Variants in ZNF563 observed in about 807,000 individuals in gnomAD.
ZNF563 encodes zinc finger protein 563.
Under a neutral mutation model 48.5 loss-of-function variants are expected in ZNF563, and 39 were observed. The ratio of observed to expected loss-of-function variants is 0.80; its 90% CI spans 0.62 to 1.05. ZNF563 has a LOEUF of 1.05. Among genes scored for constraint, ZNF563 ranks in the 50% least tolerant of loss-of-function variants. The pLI is 0.00. For missense variants in ZNF563, 538 were observed against 597.0 expected, an observed-to-expected ratio of 0.90 and a Z score of 1.03; for synonymous variants, 168 against 187.9, an observed-to-expected ratio of 0.89 and a Z score of 0.87.
At chr19:12,337,136 G>A (rs1969028874), upstream of ZNF563, among the ~76,000 whole-genome samples, 1 of 152,130 alleles carries the variant, frequency 6.6e-6, no homozygotes, top group African/African-American at 2.4e-5. Context: ...ACAACCCTGA[G>A]AAATCCGCAC....
chr19:12,320,883 T>C lies in ZNF563; in HGVS notation c.191+389A>G, dbSNP rs191024613. Among the ~76,000 whole-genome samples, 570 of 152,204 alleles carry C rather than the reference T, an allele frequency of 3.7e-3. 2 individuals carry two copies. Among genetic ancestry groups the C allele is most frequent in the African/African-American group, 0.013 (548 of 41,534 alleles). On this transcript the variant is annotated intron_variant, in intron 3 of 3. Coordinates refer to ENST00000293725, the MANE Select transcript of ZNF563 (RefSeq NM_145276.3). ...AGGCTGGTGCAGTGACTCACACCTG[T>C]AATCCCAGCATTTGGGGAGGCCAAG...
Position 12,319,089 on chromosome 19 carries a change from C to A in ZNF563, c.936G>T (p.Lys312Asn). 6.2e-7 allele frequency: 1 copy of A among 1,614,154 alleles called. No homozygotes were observed. Among genetic ancestry groups the A allele is most frequent in the Non-Finnish European group, 8.5e-7 (1 of 1,180,028 alleles). The change falls in exon 4 of 4, where the codon AAG becomes AAT. Residue 312 changes from lysine (K) to asparagine (N), a missense_variant. By Grantham distance (94) the Lys-to-Asn change is moderately conservative. Transcript: ENST00000293725. ...GATGATGAAATGTTTTCCCGCATTG[C>A]TTACACTCATAGGGTTTCTCTGCAC... ...THSAEKPYEC[K>N]QCGKTFHHLG... is the part of the protein sequence containing the mutation.
At chr19:12,322,442 C>A in intron 2 of ZNF563, 143 bp downstream of exon 2, 1 of 855,184 alleles carries the variant, frequency 1.2e-6, no homozygotes, top group South Asian at 2.0e-5. Flanking sequence ...TGTACAACTT[C>A]TTTCAGGGCT....
chr19:12,324,237 T>C (rs1229152876), intron 1 of ZNF563, among the ~76,000 whole-genome samples: 1 of 152,026 alleles, frequency 6.6e-6, no homozygotes, highest in Non-Finnish European at 1.5e-5. Context: ...GGTGTGCCTG[T>C]AGTCCCAGCT....
chr19:12,340,633 C>T, the ZNF563 span, among the ~76,000 whole-genome samples: 1 of 152,020 alleles, frequency 6.6e-6, no homozygotes, highest in Non-Finnish European at 1.5e-5. Context: ...AAAAATTAGC[C>T]AGGCGTGGTG....
In ZNF563 at chr19:12,319,854, G is replaced by A. The variant is rs199792627; in HGVS notation, c.192-21C>T. 1,042 of 1,586,588 alleles carry A rather than the reference G, an allele frequency of 6.6e-4. 3 individuals are homozygous for A. Among genetic ancestry groups the A allele is most frequent in the Non-Finnish European group, 8.6e-4 (1,003 of 1,165,874 alleles). On this transcript the variant is annotated intron_variant, in intron 3 of 3. Transcript: ENST00000293725. ...GACATCTGTAAAAAATGAGTAGTAC[G>A]TTACTAAATAGTTGTTTCTAAATGA... is the stretch of plus-strand genomic sequence containing the variant.
chr19:12,318,085 C>T lies in ZNF563; in HGVS notation c.*509G>A, dbSNP rs183250566. ...GCAGTGCATCTTGGCTCACTGCAACCCCCACCCCTTGGGCTCAAGAGATCT... is the reference window on the plus strand; with the variant it reads ...GCAGTGCATCTTGGCTCACTGCAACTCCCACCCCTTGGGCTCAAGAGATCT... On this transcript the variant is annotated 3_prime_UTR_variant, in exon 4 of 4. Transcript: ENST00000293725. 1.1e-3 allele frequency: 174 copies of T among 164,306 alleles called. 2 individuals carry two copies. Among genetic ancestry groups the T allele is most frequent in the Admixed American group, 2.4e-3 (40 of 16,860 alleles). The allele number at this position is 164,306 out of a possible 1,614,324, so 10.2% of individuals were successfully genotyped here.
the ZNF563 span, among the ~76,000 whole-genome samples, chr19:12,344,501 T>G: frequency 6.6e-6 from 1 of 151,970 alleles, no homozygotes; most frequent in African/African-American, 2.4e-5. Flanking sequence ...GAAAAATAAT[T>G]TGACAAAATT....
the ZNF563 span, among the ~76,000 whole-genome samples, chr19:12,342,700 G>GAGT: frequency 6.6e-6 from 1 of 151,506 alleles, no homozygotes; most frequent in African/African-American, 2.4e-5. Context: ...TTGAGCCCAG[G>GAGT]AGTTGGAGGC....
chr19:12,332,328 TTTGTTTTTTTTCTTTTTTC>T (rs1367279675), intron 1 of ZNF563, among the ~76,000 whole-genome samples: 3 of 148,618 alleles, frequency 2.0e-5, no homozygotes, highest in African/African-American at 7.8e-5. Flanking sequence ...CGGGTCTAAC[TTTGTTTTTTTTCTTTTTTC>T]TTTTTTTTTT....
chr19:12,333,142 G>A (rs1009639420), intron 1 of ZNF563, among the ~76,000 whole-genome samples: 4 of 152,148 alleles, frequency 2.6e-5, no homozygotes, highest in African/African-American at 9.7e-5. Flanking sequence ...TCACAGGCAC[G>A]AACCCCACAC....
At chr19:12,337,481 G>C (rs976902848), upstream of ZNF563, among the ~76,000 whole-genome samples, 1 of 152,174 alleles carries the variant, frequency 6.6e-6, no homozygotes, top group Non-Finnish European at 1.5e-5. Context: ...GGGATTACAG[G>C]TGTGAGCCAC....
chr19:12,318,745 C>T lies in ZNF563; in HGVS notation c.1280G>A (p.Gly427Glu). 6.2e-7 allele frequency: 1 copy of T among 1,614,114 alleles called. No homozygotes were observed. The highest frequency in any genetic ancestry group is 8.5e-7 in the Non-Finnish European group (1 of 1,180,034). ...GCTTGAGCTATGAGATAACGCTTTC[C>T]CACACTGCTTGCATTCATAGGGTTT... is the stretch of plus-strand genomic sequence containing the variant. ...GEKPYECKQC[G>E]KALSHSSSFR... The change falls in exon 4 of 4, where the codon GGG (glycine) becomes GAG (glutamate). Residue 427 changes from glycine to glutamate, a missense_variant. By Grantham distance (98) the Gly-to-Glu change is moderately conservative. Transcript: ENST00000293725.
intron 3 of ZNF563, 59 bp from the exon 4 acceptor site, chr19:12,319,892 G>A: frequency 6.8e-7 from 1 of 1,473,228 alleles, no homozygotes; most frequent in Non-Finnish European, 9.2e-7. Flanking sequence ...ATTTATTTAT[G>A]TGTATTAATA....
intron 1 of ZNF563, among the ~76,000 whole-genome samples, chr19:12,332,335 TTTTTC>T: frequency 4.7e-5 from 7 of 150,224 alleles, no homozygotes; most frequent in African/African-American, 1.5e-4. Flanking sequence ...AACTTTGTTT[TTTTTC>T]TTTTTTCTTT....
chr19:12,345,755 T>C, the ZNF563 span, among the ~76,000 whole-genome samples: 40 of 152,098 alleles, frequency 2.6e-4, 1 homozygote, highest in South Asian at 8.1e-3. Context: ...CTACTAAAAA[T>C]ACAAAATTTA....
chr19:12,334,490 C>T (rs1202256338), upstream of ZNF563, among the ~76,000 whole-genome samples: 4 of 152,190 alleles, frequency 2.6e-5, no homozygotes, highest in African/African-American at 7.2e-5. Context: ...GGGAGCTCAA[C>T]ATACTTCCCT....
upstream of ZNF563, among the ~76,000 whole-genome samples, chr19:12,338,033 T>A (rs1294479308): frequency 1.3e-5 from 2 of 151,956 alleles, no homozygotes; most frequent in African/African-American, 2.4e-5. Context: ...GTCTAGGAGG[T>A]CAAGACTGGA....
chr19:12,339,477 A>T, the ZNF563 span, among the ~76,000 whole-genome samples: 1,824 of 151,718 alleles, frequency 0.012, 50 homozygotes, highest in African/African-American at 0.042. Context: ...GCGGGGTTTT[A>T]CCATGTTAGT....
Sources: allele counts gnomAD v4.1 joint callset (sites outside exome capture counted in the v4.1 genomes callset), GRCh38; gene constraint gnomAD v4.1.1; transcripts MANE v1.5; gene names NCBI Gene and HGNC (gene_info 2026-07-23, HGNC 2026-07-21).